The following MYT1L variants were observed in gnomAD, a reference collection of about 807,000 sequenced individuals.
The protein encoded by MYT1L is myelin transcription factor 1-like protein.
MYT1L carries 12 observed loss-of-function variants against 126.7 expected under a neutral mutation model. The ratio of observed to expected loss-of-function variants is 0.09; its 90% CI spans 0.06 to 0.15. The LOEUF (loss-of-function observed/expected upper bound fraction) is 0.15, where lower values mean the gene tolerates loss of function less well. MYT1L is among the 10% of genes least tolerant of loss of function. MYT1L has a pLI of 1.00. For synonymous variants in MYT1L, 541 were observed against 604.2 expected (o/e 0.90, Z 1.53); for missense variants, 979 against 1,585.2 (o/e 0.62, Z 6.49).
At chr2:2,295,753 GACA>G (rs2095679409) in intron 1 of MYT1L, among the ~76,000 whole-genome samples, 1 of 90,680 alleles carries the variant, frequency 1.1e-5, no homozygotes, top group Non-Finnish European at 3.0e-5. Context: ...GAGAGAGAGA[GACA>G]GACAGACAGA....
intron 2 of MYT1L, among the ~76,000 whole-genome samples, chr2:2,212,948 C>T (rs1022538088): frequency 2.0e-5 from 3 of 152,104 alleles, no homozygotes; most frequent in Non-Finnish European, 4.4e-5. Flanking sequence ...ATCTGTCTTT[C>T]ATGAGGGGAA....
At chr2:2,261,542 T>C (rs1040184236) in intron 2 of MYT1L, among the ~76,000 whole-genome samples, 2 of 152,184 alleles carry the variant, frequency 1.3e-5, no homozygotes, top group African/African-American at 4.8e-5. Context: ...CCTCAAAACT[T>C]CTATCAATAG....
chr2:2,287,788 G>A (rs774144196), intron 1 of MYT1L, among the ~76,000 whole-genome samples: 19 of 152,168 alleles, frequency 1.2e-4, no homozygotes, highest in Non-Finnish European at 2.1e-4. Flanking sequence ...ATATCACCAC[G>A]TTTTAGGCAG....
chr2:2,157,632 G>A (rs1469524553), intron 3 of MYT1L, among the ~76,000 whole-genome samples: 2 of 152,206 alleles, frequency 1.3e-5, no homozygotes, highest in African/African-American at 4.8e-5. Context: ...GGAAAGGCAG[G>A]AGATGAAACA....
In MYT1L at chr2:2,205,930, C is replaced by T. The variant is rs566670763; in HGVS notation, c.-420-32942G>A. 3.9e-5 allele frequency among the ~76,000 whole-genome samples: 6 copies of T among 152,078 alleles called. No homozygotes were observed. In the East Asian group the frequency reaches 7.7e-4, roughly 20 times the overall value. ...TTTTACATTATGGCAATATCAAAGTCGTCACAATTTTCCTATGCACTAAGC... is the reference window on the plus strand; with the variant it reads ...TTTTACATTATGGCAATATCAAAGTTGTCACAATTTTCCTATGCACTAAGC... On this transcript the variant is annotated intron_variant, in intron 2 of 24. Coordinates refer to ENST00000647738, the MANE Select transcript of MYT1L (RefSeq NM_001303052.2).
intron 1 of MYT1L, among the ~76,000 whole-genome samples, chr2:2,302,264 A>G (rs1447744837): frequency 6.6e-6 from 1 of 152,246 alleles, no homozygotes; most frequent in Non-Finnish European, 1.5e-5. Flanking sequence ...CTTCTGGACT[A>G]AAATTTTAGT....
At chr2:2,270,563 A>C (rs1180496066) in intron 2 of MYT1L, among the ~76,000 whole-genome samples, 1 of 152,174 alleles carries the variant, frequency 6.6e-6, no homozygotes, top group Non-Finnish European at 1.5e-5. Flanking sequence ...GAGCAATGAA[A>C]AAATTACAGC....
intron 2 of MYT1L, among the ~76,000 whole-genome samples, chr2:2,268,347 G>A (rs1403401282): frequency 6.6e-6 from 1 of 152,094 alleles, no homozygotes; most frequent in Non-Finnish European, 1.5e-5. Flanking sequence ...TTGTAAATTT[G>A]CACATCAACA....
At chr2:2,181,930 A>T (rs527656308) in intron 2 of MYT1L, among the ~76,000 whole-genome samples, 1 of 152,288 alleles carries the variant, frequency 6.6e-6, no homozygotes, top group South Asian at 2.1e-4. Context: ...ACTGAGGTTC[A>T]GAAAGGTAGC....
Position 1,922,347 on chromosome 2 carries a change from G to C in MYT1L, c.1422C>G (p.Pro474=). 6.2e-7 allele frequency: 1 copy of C among 1,613,860 alleles called. No homozygotes were observed. Among genetic ancestry groups the C allele is most frequent in the Non-Finnish European group, 8.5e-7 (1 of 1,179,874 alleles). ...SYEDQSPRQL[P]GEDRKPKSSD... The stretch of plus-strand genomic sequence containing the variant: ...TGGATTTAGGCTTTCTGTCCTCCCC[G>C]GGAAGTTGTCTCGGAGACTGGTCCT... The change falls in exon 10 of 25, where the codon CCC becomes CCG. Residue 474 remains proline (P), a synonymous_variant. Coordinates refer to ENST00000647738, the MANE Select transcript of MYT1L (RefSeq NM_001303052.2). This position sits in a 1 kb window ranked among gnomAD's most constrained non-coding sequence, Gnocchi z 7.4.
intron 19 of MYT1L, chr2:1,842,201 G>C (rs891058821): frequency 6.6e-6 from 1 of 152,350 alleles, no homozygotes; most frequent in Admixed American, 6.5e-5. Context: ...TTGGAAACAC[G>C]CAGATTCCCA....
rs985082249 is a variant in MYT1L, at chr2:2,173,000, A to G, written c.-420-12T>C. The G allele has an allele frequency of 6.6e-6, 1 of 152,266 alleles. No homozygotes were observed. Among genetic ancestry groups the G allele is most frequent in the Non-Finnish European group, 1.5e-5 (1 of 68,060 alleles). The allele number at this position is 152,266 out of a possible 1,614,324, so 9.4% of individuals were successfully genotyped here. On this transcript the variant is annotated splice_polypyrimidine_tract_variant and intron_variant, in intron 2 of 24. Coordinates refer to ENST00000647738, the MANE Select transcript of MYT1L (RefSeq NM_001303052.2). ...TCTGAGTTCATTTTCTAAAGGATAG[A>G]GCGACAACACAAAATACCTTAAGTA...
chr2:2,208,992 A>C (rs2093409352), intron 2 of MYT1L, among the ~76,000 whole-genome samples: 1 of 137,786 alleles, frequency 7.3e-6, no homozygotes, highest in Non-Finnish European at 1.6e-5. Flanking sequence ...TTAAACAGGG[A>C]GGCATTTACA....
intron 13 of MYT1L, among the ~76,000 whole-genome samples, chr2:1,909,553 T>TTAC (rs563891363): frequency 1.2e-3 from 188 of 152,320 alleles, no homozygotes; most frequent in African/African-American, 4.4e-3. Context: ...GAATGAAAGC[T>TTAC]GTATAGAAGG....
chr2:1,988,795 C>T (rs144201839), intron 5 of MYT1L, among the ~76,000 whole-genome samples: 1 of 152,340 alleles, frequency 6.6e-6, no homozygotes, highest in African/African-American at 2.4e-5. Context: ...TCCCAAAGTG[C>T]TGTGATTACA....
At chr2:1,821,414 AT>A (rs1473971697) in intron 21 of MYT1L, among the ~76,000 whole-genome samples, 2 of 151,958 alleles carry the variant, frequency 1.3e-5, no homozygotes, top group African/African-American at 2.4e-5. Context: ...CTTTTTATTT[AT>A]TTTTTAAAAT....
At chr2:1,876,623 C>T (rs899180741) in intron 18 of MYT1L, among the ~76,000 whole-genome samples, 1 of 152,144 alleles carries the variant, frequency 6.6e-6, no homozygotes, top group African/African-American at 2.4e-5. Context: ...CGCAGCTGAC[C>T]CTATGCGTGC....
chr2:2,184,487 G>A (rs1296003015), intron 2 of MYT1L, among the ~76,000 whole-genome samples: 3 of 152,124 alleles, frequency 2.0e-5, no homozygotes, highest in Admixed American at 1.3e-4. Flanking sequence ...TTAAAATGAT[G>A]AGTTTAATGT....
At chr2:2,267,506 G>A (rs569976837) in intron 2 of MYT1L, among the ~76,000 whole-genome samples, 1 of 152,266 alleles carries the variant, frequency 6.6e-6, no homozygotes, top group South Asian at 2.1e-4. Flanking sequence ...GGAAATGAGG[G>A]GGATGAAACC....
Sources: allele counts gnomAD v4.1 joint callset (sites outside exome capture counted in the v4.1 genomes callset), GRCh38; gene constraint gnomAD v4.1.1; non-coding constraint Gnocchi (gnomAD v3.1); transcripts MANE v1.5; gene names NCBI Gene and HGNC (gene_info 2026-07-23, HGNC 2026-07-21).